Variants in CDH20 observed in about 807,000 individuals in gnomAD.
CDH20 encodes the protein cadherin-20.
CDH20 carries 29 observed loss-of-function variants against 74.2 expected under a neutral mutation model. That is an observed-to-expected ratio of 0.39 (90% CI 0.29 to 0.53). The LOEUF (loss-of-function observed/expected upper bound fraction) is 0.53, where lower values mean the gene tolerates loss of function less well. CDH20 is among the 20% of genes least tolerant of loss of function. The probability of loss-of-function intolerance (pLI) is 0.69; values close to 1 mark genes in which losing one functional copy is unlikely to be tolerated. For synonymous variants in CDH20, 469 were observed against 405.4 expected (o/e 1.16, Z -1.88); for missense variants, 988 against 1,048.3 (o/e 0.94, Z 0.79).
At chr18:61,538,124 T>C (rs1255062543) in intron 8 of CDH20, among the ~76,000 whole-genome samples, 1 of 152,226 alleles carries the variant, frequency 6.6e-6, no homozygotes, top group East Asian at 1.9e-4. Flanking sequence ...GATCCTGTAA[T>C]ATCCTGTTAG....
chr18:61,348,860 T>G (rs975180371), intron 1 of CDH20, among the ~76,000 whole-genome samples: 10 of 152,296 alleles, frequency 6.6e-5, no homozygotes, highest in African/African-American at 2.4e-4. Flanking sequence ...AACTACATTT[T>G]ATTTTTATTC....
intron 1 of CDH20, among the ~76,000 whole-genome samples, chr18:61,471,768 C>A (rs1369706696): frequency 6.6e-6 from 1 of 152,140 alleles, no homozygotes; most frequent in Non-Finnish European, 1.5e-5. Flanking sequence ...CTCAACAAAC[C>A]CATTCCTGGC....
intron 1 of CDH20, among the ~76,000 whole-genome samples, chr18:61,486,332 T>C (rs1252136012): frequency 6.6e-6 from 1 of 152,126 alleles, no homozygotes; most frequent in Admixed American, 6.5e-5. Flanking sequence ...TCGAACTATT[T>C]TCTTTATGGG....
At chr18:61,384,308 T>A (rs1489356532) in intron 1 of CDH20, among the ~76,000 whole-genome samples, 2 of 152,210 alleles carry the variant, frequency 1.3e-5, no homozygotes, top group African/African-American at 4.8e-5. Context: ...AAAATAAGAA[T>A]TGTATTGATA....
intron 1 of CDH20, among the ~76,000 whole-genome samples, chr18:61,481,016 C>G (rs1322848748): frequency 6.6e-6 from 1 of 152,154 alleles, no homozygotes; most frequent in Non-Finnish European, 1.5e-5. Flanking sequence ...AAAGTAAAAG[C>G]TTGAAGGTAG....
intron 1 of CDH20, among the ~76,000 whole-genome samples, chr18:61,351,674 G>A (rs1204367149): frequency 1.3e-5 from 2 of 152,000 alleles, no homozygotes; most frequent in South Asian, 4.1e-4. Flanking sequence ...GTGATATGGG[G>A]ATAGTTTTAA....
chr18:61,448,467 A>G (rs75288236), intron 1 of CDH20, among the ~76,000 whole-genome samples: 12,568 of 152,264 alleles, frequency 0.083, 700 homozygotes, highest in South Asian at 0.15. Context: ...ATAGAAAGTG[A>G]TGAATAAGAG....
Position 61,554,566 on chromosome 18 carries a change from G to T in CDH20, c.2277G>T (p.Ser759=). The stretch of plus-strand genomic sequence containing the variant: ...AGGGGGACGGCTCTGTGGCGGGGTC[G>T]CTGAGCTCCCTGCAGTCGGCCACGT... The part of the protein sequence containing the change: ...MFEGDGSVAG[S]LSSLQSATSD... The change falls in exon 12 of 12, where the codon TCG becomes TCT. Residue 759 remains serine, a synonymous_variant. Transcript: ENST00000262717. 6.2e-7 allele frequency: 1 copy of T among 1,609,470 alleles called. No individual in the cohort carries two copies. Among genetic ancestry groups the T allele is most frequent in the Non-Finnish European group, 8.5e-7 (1 of 1,178,322 alleles).
chr18:61,437,155 G>A (rs571351393), intron 1 of CDH20, among the ~76,000 whole-genome samples: 50 of 152,182 alleles, frequency 3.3e-4, no homozygotes, highest in African/African-American at 1.1e-3. Flanking sequence ...AATAATGTGC[G>A]GCAAGGGCAA....
intron 2 of CDH20, among the ~76,000 whole-genome samples, chr18:61,498,508 G>A (rs1262859500): frequency 6.6e-6 from 1 of 151,970 alleles, no homozygotes. Context: ...AAGTGACTCA[G>A]TTATGAACCC....
At chr18:61,509,634 G>A (rs1484040669) in intron 6 of CDH20, among the ~76,000 whole-genome samples, 1 of 152,152 alleles carries the variant, frequency 6.6e-6, no homozygotes, top group African/African-American at 2.4e-5. Flanking sequence ...AGTAAAGTGG[G>A]AAATGACTGA....
chr18:61,342,373 G>T (rs1039284917), intron 1 of CDH20, among the ~76,000 whole-genome samples: 8 of 152,122 alleles, frequency 5.3e-5, no homozygotes, highest in Non-Finnish European at 1.0e-4. Flanking sequence ...TCACTTTGTA[G>T]ATGCAGAAAC....
At chr18:61,456,694 G>A (rs1275858192) in intron 1 of CDH20, among the ~76,000 whole-genome samples, 9 of 152,014 alleles carry the variant, frequency 5.9e-5, no homozygotes, top group Non-Finnish European at 1.2e-4. Context: ...TGATTAATGA[G>A]TCTGTCTCAG....
rs771921382 is a variant in CDH20, at chr18:61,554,291, G to A, written c.2002G>A (p.Glu668Lys). Residue 668 changes from glutamate (E) to lysine (K), a missense_variant, in exon 12 of 12, where the codon GAG becomes AAG. Physicochemically the swap from Glu to Lys is moderately conservative, Grantham distance 56. Transcript: ENST00000262717. Reference sequence around the variant, plus strand: ...CGAGAACATCGTCCGCTACGACGACGAGGGCGGCGGCGAGGAGGACACCGA... The same window carrying A: ...CGAGAACATCGTCCGCTACGACGACAAGGGCGGCGGCGAGGAGGACACCGA... The part of the protein sequence containing the change: ...IHENIVRYDD[E>K]GGGEEDTEAF... The A allele has an allele frequency of 4.3e-6, 7 of 1,613,952 alleles. No individual in the cohort carries two copies. Among genetic ancestry groups the A allele is most frequent in the Admixed American group, 1.7e-5 (1 of 60,028 alleles).
intron 1 of CDH20, among the ~76,000 whole-genome samples, chr18:61,342,034 T>C (rs1909967830): frequency 6.6e-6 from 1 of 152,208 alleles, no homozygotes; most frequent in African/African-American, 2.4e-5. Context: ...CTCAGTGGAA[T>C]ACTTCAGGCA....
Position 61,385,374 on chromosome 18 carries a change from CTTAGG to C in CDH20, c.-153+51553_-153+51557del, listed in dbSNP as rs143491349. ...ATTAAAATACAAATAAATATCCATA[CTTAGG>C]TTAGGAAGATTCTTTAATTGAAGGA... is the stretch of plus-strand genomic sequence containing the variant. On this transcript the variant is annotated intron_variant, in intron 1 of 11. Transcript: ENST00000262717. Among the ~76,000 whole-genome samples the C allele has an allele frequency of 3.7e-3, 562 of 152,054 alleles. 6 individuals carry two copies. In the East Asian group the frequency reaches 0.04, roughly 11 times the overall value.
At chr18:61,346,496 T>A (rs1047572218) in intron 1 of CDH20, among the ~76,000 whole-genome samples, 1 of 152,074 alleles carries the variant, frequency 6.6e-6, no homozygotes, top group South Asian at 2.1e-4. Flanking sequence ...AGAAAAAAAA[T>A]TGTTTTTTAA....
rs554896473 is a variant in CDH20 at position 61,471,978 on chromosome 18, T to G, written c.-152-18424T>G. The stretch of plus-strand genomic sequence containing the variant: ...TGATAGGTATTTGCCACTAGATATT[T>G]TCAGCTGTCTGTGAGGACAACATGT... On this transcript the variant is annotated intron_variant, in intron 1 of 11. Transcript: ENST00000262717. Among the ~76,000 whole-genome samples, 12 of 152,276 alleles carry G rather than the reference T, an allele frequency of 7.9e-5. 1 individual carries two copies. The South Asian group carries it at 1.9e-3, about 24-fold the overall frequency.
intron 6 of CDH20, among the ~76,000 whole-genome samples, chr18:61,520,934 G>A (rs1912182307): frequency 6.6e-6 from 1 of 151,048 alleles, no homozygotes; most frequent in African/African-American, 2.5e-5. Context: ...GTGTTTACAG[G>A]GAAATTTATA....
Sources: allele counts gnomAD v4.1 joint callset (sites outside exome capture counted in the v4.1 genomes callset), GRCh38; gene constraint gnomAD v4.1.1; transcripts MANE v1.5; gene names NCBI Gene and HGNC (gene_info 2026-07-23, HGNC 2026-07-21).